TADA3: variants seen among roughly 807,000 people sequenced by gnomAD.
TADA3 encodes the protein transcriptional adapter 3.
Under a neutral mutation model 43.2 loss-of-function variants are expected in TADA3, and 25 were observed. The observed-to-expected ratio is 0.58, with a 90% CI of 0.42 to 0.81. The LOEUF is 0.81. TADA3 is among the 30% of genes least tolerant of loss of function. The probability of loss-of-function intolerance (pLI) is 0.00; values close to 1 mark genes in which losing one functional copy is unlikely to be tolerated. For missense variants in TADA3, 441 were observed against 567.8 expected, an observed-to-expected ratio of 0.78 and a Z score of 2.27; for synonymous variants, 235 against 225.5, an observed-to-expected ratio of 1.04 and a Z score of -0.38.
At chr3:9,789,304 G>A (rs1432856008) in intron 4 of TADA3, among the ~76,000 whole-genome samples, 7 of 152,184 alleles carry the variant, frequency 4.6e-5, no homozygotes, top group Non-Finnish European at 1.5e-5. Flanking sequence ...TTGAGGGCGT[G>A]TTGACATTTG....
intron 3 of TADA3, 25 bp from the exon 4 acceptor site, chr3:9,789,639 T>C: frequency 6.2e-7 from 1 of 1,612,430 alleles, no homozygotes; most frequent in South Asian, 1.1e-5. Context: ...AGATCCTGAG[T>C]GGGCGCCCCT....
In TADA3 at chr3:9,788,815, C is replaced by T. The variant is rs141364142; in HGVS notation, c.564+694G>A. ...ACAGCCTCCCAAAGTGTTGGGATTA[C>T]AGGCGTGAGGTGACTTTTATATCTT... On this transcript the variant is annotated intron_variant, in intron 4 of 8. Coordinates refer to ENST00000301964, the MANE Select transcript of TADA3 (RefSeq NM_006354.5). Among the ~76,000 whole-genome samples the T allele has an allele frequency of 1.0e-2, 1,512 of 151,854 alleles. 16 individuals carry two copies. The highest frequency in any genetic ancestry group is 0.024 in the Middle Eastern group (7 of 292).
chr3:9,780,306 C>T lies in TADA3; in HGVS notation c.*51G>A. 6.5e-7 allele frequency: 1 copy of T among 1,546,356 alleles called. No homozygotes were observed. ...CCTGTGCCCAAAGAAGGAAGTGGGC[C>T]TCCCTTCCCCTCCCCTAGGCCAGAT... On this transcript the variant is annotated 3_prime_UTR_variant, in exon 9 of 9. Coordinates refer to ENST00000301964, the MANE Select transcript of TADA3 (RefSeq NM_006354.5).
At chr3:9,786,221 G>A (rs377308746) in intron 6 of TADA3, among the ~76,000 whole-genome samples, 14 of 152,308 alleles carry the variant, frequency 9.2e-5, no homozygotes, top group East Asian at 3.9e-4. Flanking sequence ...TTACAGGCGT[G>A]AGCCACCGCG....
intron 6 of TADA3, among the ~76,000 whole-genome samples, chr3:9,786,723 G>A (rs983028500): frequency 2.6e-5 from 4 of 152,204 alleles, no homozygotes; most frequent in Non-Finnish European, 4.4e-5. Flanking sequence ...GGGCATGAGA[G>A]GGGCTTCTAG....
At position 9,789,491 on chromosome 3, in the gene TADA3, A is replaced by C; in HGVS notation, c.564+18T>G. On this transcript the variant is annotated intron_variant, in intron 4 of 8. Coordinates refer to ENST00000301964, the MANE Select transcript of TADA3 (RefSeq NM_006354.5). ...TCTCTTGTTCCGCATCATGTCTATC[A>C]AGGCCCAGAGTTTCTACCTTGTAAT... 6 of 1,608,714 alleles carry C rather than the reference A, an allele frequency of 3.7e-6. No individual in the cohort carries two copies. The highest frequency in any genetic ancestry group is 5.1e-6 in the Non-Finnish European group (6 of 1,176,120).
intron 4 of TADA3, among the ~76,000 whole-genome samples, 169 bp downstream of exon 4, chr3:9,789,340 C>T (rs544780265): frequency 1.3e-5 from 2 of 152,132 alleles, no homozygotes; most frequent in South Asian, 2.1e-4. Context: ...AGGCAGTGCA[C>T]GGAGAAAGCT....
chr3:9,790,693 C>A (rs189763079), intron 2 of TADA3, among the ~76,000 whole-genome samples: 11 of 152,192 alleles, frequency 7.2e-5, no homozygotes, highest in Non-Finnish European at 2.9e-5. Flanking sequence ...TGGCATTGGG[C>A]TGAGTTTTTG....
Position 9,783,259 on chromosome 3 carries a change from A to G in TADA3, c.1106+769T>C, listed in dbSNP as rs532945332. ...AAGACAAAAAATAAATCACACAACA[A>G]TGTGAATATGGGTAACACTACTAAA... On this transcript the variant is annotated intron_variant, in intron 8 of 8. Transcript: ENST00000301964. The G allele has an allele frequency of 2.6e-5, 4 of 152,318 alleles. No individual in the cohort carries two copies. In the East Asian group the frequency reaches 5.8e-4, roughly 22 times the overall value. 9.4% of individuals were successfully genotyped at this position (152,318 alleles called of 1,614,324 possible).
At chr3:9,780,586 C>A in intron 8 of TADA3, 37 bp from the exon 9 acceptor site, 1 of 1,574,816 alleles carries the variant, frequency 6.3e-7, no homozygotes, top group East Asian at 2.3e-5. Context: ...AGGGTCAGCC[C>A]ACCTCCAGAG....
upstream of TADA3, chr3:9,792,990 C>G: frequency 6.8e-7 from 1 of 1,468,188 alleles, no homozygotes; most frequent in Non-Finnish European, 9.0e-7. Flanking sequence ...GGGCTCTCTA[C>G]CCCGCTCGGA....
In TADA3 at chr3:9,780,101, C is replaced by A; in HGVS notation, c.*256G>T. The A allele has an allele frequency of 2.6e-6, 1 of 387,884 alleles. No individual in the cohort carries two copies. The allele number at this position is 387,884 out of a possible 1,614,324, so 24.0% of individuals were successfully genotyped here. The stretch of plus-strand genomic sequence containing the variant: ...GATGGTAAAGAGGGGAAGAGGAAGA[C>A]CCAGAAACGAAGTCCCCTCCAACCC... On this transcript the variant is annotated 3_prime_UTR_variant, in exon 9 of 9. Transcript: ENST00000301964.
At chr3:9,781,184 G>A (rs1426961686) in intron 8 of TADA3, among the ~76,000 whole-genome samples, 1 of 151,840 alleles carries the variant, frequency 6.6e-6, no homozygotes, top group Non-Finnish European at 1.5e-5. Context: ...AGTAGCTCAT[G>A]CCTGTAATCC....
At position 9,786,129 on chromosome 3, in the gene TADA3, C is replaced by T. The variant is rs528646785; in HGVS notation, c.811-704G>A. 5.3e-5 allele frequency among the ~76,000 whole-genome samples: 8 copies of T among 152,078 alleles called. No homozygotes were observed. The East Asian group carries it at 1.4e-3, about 26-fold the overall frequency. On this transcript the variant is annotated intron_variant, in intron 6 of 8. Transcript: ENST00000301964. ...AATTTTTTTGTATTTTTAGTAGAGA[C>T]GGGGTTTCATCATGTTAGCCAGGAT...
Position 9,792,464 on chromosome 3 carries a change from C to T in TADA3, c.-276G>A. On this transcript the variant is annotated 5_prime_UTR_variant, in exon 1 of 9. Coordinates refer to ENST00000301964, the MANE Select transcript of TADA3 (RefSeq NM_006354.5). ...GAGTTCCGGTCGATGTGAGCAACCGCCCCGGAACTGGCTATGGGCGGGCCC... is the reference window on the plus strand; with the variant it reads ...GAGTTCCGGTCGATGTGAGCAACCGTCCCGGAACTGGCTATGGGCGGGCCC... 2 of 1,180,274 alleles carry T rather than the reference C, an allele frequency of 1.7e-6. No homozygotes were observed. The highest frequency in any genetic ancestry group is 2.1e-6 in the Non-Finnish European group (2 of 954,906). The allele number at this position is 1,180,274 out of a possible 1,614,324, so 73.1% of individuals were successfully genotyped here. A position where few individuals can be genotyped will look rare whatever the true frequency, so the allele number is the denominator to read the frequency against.
intron 8 of TADA3, among the ~76,000 whole-genome samples, chr3:9,782,829 T>C (rs2078511197): frequency 6.7e-6 from 1 of 150,282 alleles, no homozygotes; most frequent in Non-Finnish European, 1.5e-5. Flanking sequence ...GAATGTGCCC[T>C]GTCCTGTCAG....
intron 8 of TADA3, among the ~76,000 whole-genome samples, chr3:9,781,018 G>T (rs2078447728): frequency 6.6e-6 from 1 of 152,006 alleles, no homozygotes; most frequent in African/African-American, 2.4e-5. Context: ...CACACCTGTA[G>T]TCCCAACTCC....
chr3:9,791,852 C>T (rs759054707), intron 1 of TADA3, among the ~76,000 whole-genome samples: 1 of 152,216 alleles, frequency 6.6e-6, no homozygotes, highest in African/African-American at 2.4e-5. Flanking sequence ...TACTGCTATG[C>T]CTTGCCTCGC....
intron 6 of TADA3, among the ~76,000 whole-genome samples, chr3:9,786,084 G>C (rs7618535): frequency 4.6e-5 from 7 of 151,988 alleles, no homozygotes; most frequent in Non-Finnish European, 1.0e-4. Flanking sequence ...GACTACAGGC[G>C]CCTGCCACTA....
Sources: allele counts gnomAD v4.1 joint callset (sites outside exome capture counted in the v4.1 genomes callset), GRCh38; gene constraint gnomAD v4.1.1; transcripts MANE v1.5; gene names NCBI Gene and HGNC (gene_info 2026-07-23, HGNC 2026-07-21).